Variants in FIG4 observed in about 807,000 individuals in gnomAD.
The protein encoded by FIG4 is polyphosphoinositide phosphatase.
FIG4 carries 112 observed loss-of-function variants against 118.6 expected under a neutral mutation model. The observed-to-expected ratio is 0.94, with a 90% confidence interval of 0.81 to 1.11. FIG4 has a LOEUF of 1.11. Ranked by LOEUF, FIG4 falls within the 50% of genes least tolerant of loss-of-function variation. FIG4 has a pLI of 0.00. For synonymous variants in FIG4, 369 were observed against 381.2 expected, an observed-to-expected ratio of 0.97 and a Z score of 0.37; for missense variants, 969 against 1,111.7, an observed-to-expected ratio of 0.87 and a Z score of 1.83.
intron 1 of FIG4, among the ~76,000 whole-genome samples, chr6:109,691,712 G>A (rs1480616159): frequency 1.3e-5 from 2 of 152,178 alleles, no homozygotes; most frequent in African/African-American, 4.8e-5. Context: ...TGCAGCATTT[G>A]CAGGTCCACT....
At position 109,777,037 on chromosome 6, in the gene FIG4, G is replaced by C; in HGVS notation, c.1866G>C (p.Met622Ile). Residue 622 changes from methionine to isoleucine, a missense_variant, in exon 16 of 23, where the codon ATG (methionine) becomes ATC (isoleucine). Transcript: ENST00000230124. The part of the protein sequence containing the change: ...TDFYLHHKNT[M>I]RLLPTRRSYT... ...TTTATTTGCATCACAAAAATACCATGAGACTTTTGCCAACAAGAAGAAGGT... is the reference window on the plus strand; with the variant it reads ...TTTATTTGCATCACAAAAATACCATCAGACTTTTGCCAACAAGAAGAAGGT... 1 of 1,613,754 alleles carries C rather than the reference G, an allele frequency of 6.2e-7. No homozygotes were observed. The highest frequency in any genetic ancestry group is 8.5e-7 in the Non-Finnish European group (1 of 1,179,764).
intron 10 of FIG4, among the ~76,000 whole-genome samples, chr6:109,748,559 A>G (rs1037804170): frequency 5.9e-5 from 9 of 152,140 alleles, no homozygotes; most frequent in Admixed American, 5.9e-4. Context: ...GATAGTGGGA[A>G]TGGGGATTTA....
In FIG4 at chr6:109,771,461, C is replaced by CTTTTT. The variant is rs71018367; in HGVS notation, c.1750+4587_1750+4591dup. Among the ~76,000 whole-genome samples the CTTTTT allele has an allele frequency of 1.2e-3, 106 of 86,026 alleles. 1 individual carries two copies. The highest frequency in any genetic ancestry group is 1.4e-3 in the Non-Finnish European group (68 of 48,598). 56.4% of individuals were successfully genotyped at this position (86,026 alleles called of 152,430 possible). A position where few individuals can be genotyped will look rare whatever the true frequency, so the allele number is the denominator to read the frequency against. ...TATTGAAAGGGAACTTCCTCTAATTCTTTTTTTTTTTTTTTTTTTTTTTTT... is the reference window on the plus strand; with the variant it reads ...TATTGAAAGGGAACTTCCTCTAATTCTTTTTTTTTTTTTTTTTTTTTTTTTTTTTT... On this transcript the variant is annotated intron_variant, in intron 15 of 22. Coordinates refer to ENST00000230124, the MANE Select transcript of FIG4 (RefSeq NM_014845.6).
At chr6:109,712,219 A>T (rs1420475628) in intron 1 of FIG4, among the ~76,000 whole-genome samples, 1 of 152,122 alleles carries the variant, frequency 6.6e-6, no homozygotes, top group African/African-American at 2.4e-5. Context: ...GGAGAATATG[A>T]TGATAATGTG....
intron 1 of FIG4, among the ~76,000 whole-genome samples, chr6:109,693,412 A>C (rs575771390): frequency 2.0e-5 from 3 of 152,312 alleles, no homozygotes; most frequent in South Asian, 2.1e-4. Flanking sequence ...TGCAAACAGT[A>C]GTCTCTCAAT....
intron 4 of FIG4, 69 bp from the exon 5 acceptor site, chr6:109,732,568 G>A (rs1306000570): frequency 7.4e-6 from 6 of 809,492 alleles, no homozygotes; most frequent in Admixed American, 5.5e-5. Context: ...TGTACATATG[G>A]GTACATGTTA....
intron 3 of FIG4, among the ~76,000 whole-genome samples, chr6:109,723,848 T>C (rs1024924292): frequency 1.3e-5 from 2 of 152,174 alleles, no homozygotes; most frequent in African/African-American, 2.4e-5. Context: ...GCTTGGTCTA[T>C]GGAGAGAGAG....
rs1042980228 is a variant in FIG4 at position 109,760,168 on chromosome 6, T to G, written c.1138-82T>G. ...AAGACTTGGATTTTTTTGTCTTAGC[T>G]TAGCTTAAAAGTAAACATGTTGAGC... is the stretch of plus-strand genomic sequence containing the variant. On this transcript the variant is annotated intron_variant, in intron 10 of 22. Coordinates refer to ENST00000230124, the MANE Select transcript of FIG4 (RefSeq NM_014845.6). The G allele has an allele frequency of 2.4e-6, 3 of 1,239,796 alleles. No homozygotes were observed. The African/African-American group carries it at 4.4e-5, about 18-fold the overall frequency. 76.8% of individuals were successfully genotyped at this position (1,239,796 alleles called of 1,614,324 possible).
chr6:109,719,036 A>T (rs181170341), intron 3 of FIG4, among the ~76,000 whole-genome samples: 1 of 151,278 alleles, frequency 6.6e-6, no homozygotes, highest in Non-Finnish European at 1.5e-5. Context: ...CTCGTGCCTC[A>T]GCCTCCCGAG....
At chr6:109,792,692 G>C in intron 21 of FIG4, 28 bp downstream of exon 21, 1 of 997,988 alleles carries the variant, frequency 1.0e-6, no homozygotes, top group Non-Finnish European at 1.5e-6. Context: ...AGATATTAAA[G>C]AAAAATGAAT....
At chr6:109,739,529 A>G (rs1043529304) in intron 7 of FIG4, among the ~76,000 whole-genome samples, 10 of 152,108 alleles carry the variant, frequency 6.6e-5, no homozygotes, top group African/African-American at 2.4e-4. Flanking sequence ...CTCTTTAGAC[A>G]TTTAAAAGAA....
intron 22 of FIG4, among the ~76,000 whole-genome samples, chr6:109,807,170 T>C (rs974481221): frequency 6.6e-6 from 1 of 152,230 alleles, no homozygotes; most frequent in Non-Finnish European, 1.5e-5. Flanking sequence ...TTCTAGATTC[T>C]TGAGGAATCG....
intron 21 of FIG4, among the ~76,000 whole-genome samples, chr6:109,795,389 A>G (rs1778257127): frequency 6.6e-6 from 1 of 152,026 alleles, no homozygotes; most frequent in South Asian, 2.1e-4. Flanking sequence ...TGAAGATATA[A>G]AGTTGGATAA....
chr6:109,754,492 T>A (rs1052096086), intron 10 of FIG4, among the ~76,000 whole-genome samples: 2 of 152,212 alleles, frequency 1.3e-5, no homozygotes, highest in Non-Finnish European at 2.9e-5. Context: ...TTTCTATTGA[T>A]TGGAATAGTT....
In FIG4 at chr6:109,692,307, A is replaced by T. The variant is rs116262697; in HGVS notation, c.66+806A>T. Among the ~76,000 whole-genome samples, 880 of 152,324 alleles carry T rather than the reference A, an allele frequency of 5.8e-3. 5 individuals are homozygous for T. Among genetic ancestry groups the T allele is most frequent in the African/African-American group, 0.02 (842 of 41,558 alleles). On this transcript the variant is annotated intron_variant, in intron 1 of 22. Transcript: ENST00000230124. ...GACTGTGTTTAATATTACCCATTTC[A>T]TGCTAACAAGATTGCATATGCCAGA...
chr6:109,776,353 G>A (rs565939792), intron 15 of FIG4, among the ~76,000 whole-genome samples: 32 of 152,280 alleles, frequency 2.1e-4, no homozygotes, highest in African/African-American at 7.5e-4. Context: ...AAGAGAATGG[G>A]CCAGGCTCAC....
chr6:109,721,268 A>ATGTCACTT (rs1169992208), intron 3 of FIG4, among the ~76,000 whole-genome samples: 1 of 152,142 alleles, frequency 6.6e-6, no homozygotes, highest in Non-Finnish European at 1.5e-5. Context: ...GGTAGTAGAG[A>ATGTCACTT]TGTCACTTTG....
intron 21 of FIG4, among the ~76,000 whole-genome samples, chr6:109,793,573 C>T (rs916497947): frequency 6.6e-6 from 1 of 152,168 alleles, no homozygotes; most frequent in African/African-American, 2.4e-5. Context: ...CAGCTTAATA[C>T]ATGGATTTAG....
At chr6:109,771,767 G>T (rs1777471570) in intron 15 of FIG4, among the ~76,000 whole-genome samples, 1 of 152,108 alleles carries the variant, frequency 6.6e-6, no homozygotes, top group Admixed American at 6.5e-5. Context: ...CAATGCTTGT[G>T]GTGGCCCTGC....
Sources: allele counts gnomAD v4.1 joint callset (sites outside exome capture counted in the v4.1 genomes callset), GRCh38; gene constraint gnomAD v4.1.1; transcripts MANE v1.5; gene names NCBI Gene and HGNC (gene_info 2026-07-23, HGNC 2026-07-21).